Variants in PAX5 observed in about 807,000 individuals in gnomAD.
PAX5 encodes the protein paired box 5, also known as paired box protein Pax-5.
PAX5 carries 9 observed loss-of-function variants against 43.7 expected under a neutral mutation model. The observed-to-expected ratio is 0.21, with a 90% CI of 0.12 to 0.36. The LOEUF is 0.36. Among genes scored for constraint, PAX5 ranks in the 10% least tolerant of loss-of-function variants. The pLI is 1.00. For synonymous variants in PAX5, 228 were observed against 214.3 expected, an observed-to-expected ratio of 1.06 and a Z score of -0.56; for missense variants, 383 against 532.7, an observed-to-expected ratio of 0.72 and a Z score of 2.77.
chr9:36,898,180 A>C (rs1828034791), intron 7 of PAX5, among the ~76,000 whole-genome samples: 1 of 152,218 alleles, frequency 6.6e-6, no homozygotes, highest in Admixed American at 6.5e-5. Context: ...AAAGAAAAGA[A>C]AGAAAATAGA....
chr9:37,006,938 T>C (rs576903126), intron 3 of PAX5, among the ~76,000 whole-genome samples: 2 of 152,238 alleles, frequency 1.3e-5, no homozygotes, highest in Admixed American at 1.3e-4. Context: ...CAGCCTCCTA[T>C]ATGTGGAATG....
In PAX5 at chr9:36,839,307, C is replaced by T. The variant is rs1315888824; in HGVS notation, c.*1253G>A. The stretch of plus-strand genomic sequence containing the variant: ...CGTGGCCCTTGGCCGTGGCCCTGAC[C>T]ATCGCGGCCCCTTAGATCAACAGGT... On this transcript the variant is annotated 3_prime_UTR_variant, in exon 10 of 10. Transcript: ENST00000358127. 2 of 233,390 alleles carry T rather than the reference C, an allele frequency of 8.6e-6. No homozygotes were observed. Among genetic ancestry groups the T allele is most frequent in the African/African-American group, 2.2e-5 (1 of 45,364 alleles). The allele number at this position is 233,390 out of a possible 1,614,324, so 14.5% of individuals were successfully genotyped here.
At chr9:37,026,240 G>A (rs975356271) in intron 1 of PAX5, among the ~76,000 whole-genome samples, 1 of 152,252 alleles carries the variant, frequency 6.6e-6, no homozygotes, top group Non-Finnish European at 1.5e-5. Flanking sequence ...GCCCTCTACG[G>A]GTCCAAGCCA....
chr9:37,018,515 C>A (rs1232298392), intron 2 of PAX5, among the ~76,000 whole-genome samples: 1 of 148,262 alleles, frequency 6.7e-6, no homozygotes, highest in Non-Finnish European at 1.5e-5. Context: ...CACCACACAT[C>A]GTACTCTCCC....
intron 2 of PAX5, among the ~76,000 whole-genome samples, chr9:37,016,141 G>A (rs1468554620): frequency 6.6e-6 from 1 of 152,120 alleles, no homozygotes; most frequent in Admixed American, 6.5e-5. Context: ...GACCAAATGG[G>A]CAAGCTAGGG....
intron 5 of PAX5, among the ~76,000 whole-genome samples, chr9:36,974,740 G>A (rs558604648): frequency 1.3e-5 from 2 of 152,288 alleles, no homozygotes; most frequent in Admixed American, 1.3e-4. Context: ...CTGGCAGAGA[G>A]TTTAGTGTCC....
chr9:36,862,643 T>TAG (rs879419209), intron 8 of PAX5, among the ~76,000 whole-genome samples: 1 of 151,876 alleles, frequency 6.6e-6, no homozygotes, highest in Non-Finnish European at 1.5e-5. Flanking sequence ...GCTGGGGGCG[T>TAG]TTGGTCTGAA....
At chr9:36,853,693 A>G (rs1666045132) in intron 8 of PAX5, among the ~76,000 whole-genome samples, 1 of 152,244 alleles carries the variant, frequency 6.6e-6, no homozygotes, top group Admixed American at 6.5e-5. Flanking sequence ...GTAAAAACCA[A>G]TGCACTAACT....
rs148458054 is a variant in PAX5 at position 36,997,028 on chromosome 9, G to A, written c.604+5620C>T. Among the ~76,000 whole-genome samples the A allele has an allele frequency of 9.6e-3, 1,457 of 152,270 alleles. 27 individuals are homozygous for A. Among genetic ancestry groups the A allele is most frequent in the Admixed American group, 0.052 (797 of 15,290 alleles). On this transcript the variant is annotated intron_variant, in intron 5 of 9. Coordinates refer to ENST00000358127, the MANE Select transcript of PAX5 (RefSeq NM_016734.3). ...AATAAAGCCAAATAACACAGAATGA[G>A]ATGCACCCCCAAAGACATGGGGAGA...
At chr9:36,966,503 C>G in intron 6 of PAX5, 46 bp downstream of exon 6, 2 of 1,584,386 alleles carry the variant, frequency 1.3e-6, no homozygotes, top group Non-Finnish European at 1.7e-6. Flanking sequence ...CTGGCTGGGC[C>G]GGTGTGGCGG....
At position 36,975,133 on chromosome 9, in the gene PAX5, C is replaced by A. The variant is rs538594217; in HGVS notation, c.605-8409G>T. On this transcript the variant is annotated intron_variant, in intron 5 of 9. Coordinates refer to ENST00000358127, the MANE Select transcript of PAX5 (RefSeq NM_016734.3). ...TGGCCTGGATTCTACTCTTCACAAA[C>A]CATTCTGTGAACTCAGTCCTCTTGG... Among the ~76,000 whole-genome samples the A allele has an allele frequency of 2.0e-5, 3 of 152,336 alleles. No individual in the cohort carries two copies. The East Asian group carries it at 5.8e-4, about 29-fold the overall frequency.
chr9:36,918,929 A>G (rs1305452284), intron 7 of PAX5, among the ~76,000 whole-genome samples: 1 of 152,222 alleles, frequency 6.6e-6, no homozygotes, highest in Non-Finnish European at 1.5e-5. Context: ...TGACTACACT[A>G]AACAACAGAT....
At chr9:36,986,535 G>T (rs28657909) in intron 5 of PAX5, among the ~76,000 whole-genome samples, 14,098 of 152,148 alleles carry the variant, frequency 0.093, 789 homozygotes, top group African/African-American at 0.16. Context: ...TTCTCTTTGC[G>T]CCACGTTCGG....
At chr9:36,859,258 G>A (rs1039523571) in intron 8 of PAX5, among the ~76,000 whole-genome samples, 6 of 152,150 alleles carry the variant, frequency 3.9e-5, no homozygotes, top group South Asian at 2.1e-4. Flanking sequence ...GGGCAGGCGC[G>A]CACATAAATT....
intron 5 of PAX5, among the ~76,000 whole-genome samples, chr9:36,976,478 T>G (rs1321582356): frequency 6.6e-6 from 1 of 152,168 alleles, no homozygotes; most frequent in Non-Finnish European, 1.5e-5. Context: ...TGGCAAACGC[T>G]TCTAGGACAT....
intron 1 of PAX5, among the ~76,000 whole-genome samples, chr9:37,033,599 T>TACACACACACACAC (rs56039556): frequency 6.0e-4 from 90 of 149,276 alleles, no homozygotes; most frequent in African/African-American, 2.1e-3. Flanking sequence ...AGTATAAAGA[T>TACACACACACACAC]ACACACACAC....
chr9:36,902,107 A>T (rs180940700), intron 7 of PAX5, among the ~76,000 whole-genome samples: 121 of 152,198 alleles, frequency 8.0e-4, no homozygotes, highest in Middle Eastern at 3.4e-3. Flanking sequence ...CCCAAAACAC[A>T]ATTGTGATAG....
At position 37,033,199 on chromosome 9, in the gene PAX5, G is replaced by A. The variant is rs114312801; in HGVS notation, c.46+787C>T. 4.4e-3 allele frequency among the ~76,000 whole-genome samples: 676 copies of A among 152,320 alleles called. 7 individuals are homozygous for A. The highest frequency in any genetic ancestry group is 0.015 in the African/African-American group (633 of 41,574). On this transcript the variant is annotated intron_variant, in intron 1 of 9. Transcript: ENST00000358127. Reference sequence around the variant, plus strand: ...GAACAGTGCTCACTGCACACCAAGAGGCTGCATGCCCTGAATTCACACCTT... The same window carrying A: ...GAACAGTGCTCACTGCACACCAAGAAGCTGCATGCCCTGAATTCACACCTT...
chr9:36,842,118 G>A (rs754714432), intron 9 of PAX5, among the ~76,000 whole-genome samples: 13 of 152,152 alleles, frequency 8.5e-5, no homozygotes, highest in Non-Finnish European at 1.3e-4. Flanking sequence ...CACCAACCCC[G>A]TGCCTAAGTA....
Sources: gnomAD v4.1 joint callset for allele counts (sites outside exome capture counted in the v4.1 genomes callset) on GRCh38, gnomAD v4.1.1 for gene constraint, MANE v1.5 for transcripts, NCBI Gene and HGNC (gene_info 2026-07-23, HGNC 2026-07-21) for gene names.